Variants in UNC93A observed in about 807,000 individuals in gnomAD.
The protein encoded by UNC93A is unc-93 homolog A.
Under a neutral mutation model 47.5 loss-of-function variants are expected in UNC93A, and 43 were observed. The ratio of observed to expected loss-of-function variants is 0.91; its 90% CI spans 0.71 to 1.17. The LOEUF (loss-of-function observed/expected upper bound fraction) is 1.17. Ranked by LOEUF, UNC93A falls within the 50% of genes most tolerant of loss-of-function variation. The pLI is 0.00. For missense variants in UNC93A, 605 were observed against 577.6 expected (o/e 1.05, Z -0.49); for synonymous variants, 280 against 258.0 (o/e 1.09, Z -0.82).
chr6:167,277,514 C>G (rs1783563027), intron 1 of UNC93A, among the ~76,000 whole-genome samples: 1 of 152,206 alleles, frequency 6.6e-6, no homozygotes, highest in African/African-American at 2.4e-5. Flanking sequence ...AAGCTCTGGT[C>G]AGGGCAAATC....
intron 7 of UNC93A, among the ~76,000 whole-genome samples, chr6:167,311,984 G>A (rs1411953627): frequency 2.6e-4 from 2 of 7,672 alleles, no homozygotes; most frequent in African/African-American, 6.2e-4. Flanking sequence ...TTCCCACGAG[G>A]GTTCTTTTTT....
intron 7 of UNC93A, among the ~76,000 whole-genome samples, chr6:167,311,758 T>C (rs1339419079): frequency 2.0e-5 from 3 of 152,272 alleles, no homozygotes; most frequent in Middle Eastern, 3.2e-3. Flanking sequence ...TATTTTGAAA[T>C]AGTTTTAGAT....
At chr6:167,301,175 C>A (rs1778230768) in intron 4 of UNC93A, among the ~76,000 whole-genome samples, 1 of 152,252 alleles carries the variant, frequency 6.6e-6, no homozygotes, top group Admixed American at 6.5e-5. Flanking sequence ...CCTTCATTGC[C>A]AGCTGTCCTC....
intron 7 of UNC93A, 47 bp from the exon 8 acceptor site, chr6:167,315,140 A>T (rs1473908985): frequency 1.9e-6 from 3 of 1,598,176 alleles, no homozygotes; most frequent in African/African-American, 2.7e-5. Flanking sequence ...AAACAGGGTC[A>T]CTGTGGGGCC....
At chr6:167,284,052 A>G (rs1783679347) in intron 1 of UNC93A, among the ~76,000 whole-genome samples, 1 of 152,160 alleles carries the variant, frequency 6.6e-6, no homozygotes, top group African/African-American at 2.4e-5. Context: ...AAAATCCAAC[A>G]AATACTTGCT....
At chr6:167,295,849 A>C (rs1784907927) in intron 2 of UNC93A, among the ~76,000 whole-genome samples, 183 bp from the exon 3 acceptor site, 1 of 152,246 alleles carries the variant, frequency 6.6e-6, no homozygotes, top group African/African-American at 2.4e-5. Context: ...AAATGCACTG[A>C]TATTGCTCAT....
chr6:167,315,062 G>A, intron 7 of UNC93A, 125 bp from the exon 8 acceptor site: 2 of 1,395,146 alleles, frequency 1.4e-6, no homozygotes, highest in African/African-American at 1.4e-5. Context: ...TCATTCTGTT[G>A]TGAAAAAAGA....
At chr6:167,291,636 C>A in intron 1 of UNC93A, 60 bp downstream of exon 1, 2 of 1,485,956 alleles carry the variant, frequency 1.3e-6, no homozygotes, top group South Asian at 1.2e-5. Context: ...TCCCTGTGGT[C>A]ACAGACAATA....
At chr6:167,289,528 G>T (rs1583069265), upstream of UNC93A, among the ~76,000 whole-genome samples, 1 of 152,148 alleles carries the variant, frequency 6.6e-6, no homozygotes, top group South Asian at 2.1e-4. Flanking sequence ...GGACAGGGAG[G>T]GTGTGGCTGG....
upstream of UNC93A, among the ~76,000 whole-genome samples, chr6:167,270,736 G>A (rs965423168): frequency 2.6e-5 from 4 of 152,182 alleles, 1 homozygote; most frequent in African/African-American, 9.7e-5. Context: ...ACCACTTGAG[G>A]ACGAAGGCAG....
At chr6:167,274,653 G>C (rs1255182663) in intron 1 of UNC93A, among the ~76,000 whole-genome samples, 1 of 152,180 alleles carries the variant, frequency 6.6e-6, no homozygotes, top group Non-Finnish European at 1.5e-5. Flanking sequence ...TTCAAATCCA[G>C]ACTCCATCAC....
chr6:167,294,268 C>T (rs576765347), intron 1 of UNC93A, among the ~76,000 whole-genome samples: 21 of 152,280 alleles, frequency 1.4e-4, no homozygotes, highest in South Asian at 1.0e-3. Context: ...CATCCAGCCC[C>T]GGCGCAAGCA....
intron 6 of UNC93A, 140 bp from the exon 7 acceptor site, chr6:167,307,639 G>T (rs1778437488): frequency 1.9e-6 from 2 of 1,037,104 alleles, no homozygotes; most frequent in Admixed American, 4.8e-5. Flanking sequence ...GGTTGAGATG[G>T]TTGAGATGGT....
intron 3 of UNC93A, 34 bp from the exon 4 acceptor site, chr6:167,297,911 C>T (rs772178685): frequency 2.5e-6 from 4 of 1,607,204 alleles, no homozygotes; most frequent in Non-Finnish European, 3.4e-6. Flanking sequence ...CATTTGCCGT[C>T]ATCTCATGTC....
chr6:167,312,688 T>C (rs940238273), intron 7 of UNC93A, among the ~76,000 whole-genome samples: 2 of 152,256 alleles, frequency 1.3e-5, no homozygotes, highest in African/African-American at 4.8e-5. Flanking sequence ...TTCAATCTTT[T>C]ACATGTGTAC....
intron 6 of UNC93A, among the ~76,000 whole-genome samples, chr6:167,306,402 A>G (rs1388390655): frequency 6.6e-6 from 1 of 152,170 alleles, no homozygotes. Flanking sequence ...CATGGGGTTC[A>G]CGGAAAGACA....
chr6:167,272,458 G>A lies in UNC93A; in HGVS notation c.-52+1000G>A, dbSNP rs1019759533. ...CCAAACTCTGTAAAATATTTGAAGA[G>A]ATTTATTCTGAGCTGAGTATGAGTG... On this transcript the variant is annotated intron_variant, in intron 1 of 3. Transcript: ENST00000503433. 7.9e-5 allele frequency among the ~76,000 whole-genome samples: 12 copies of A among 152,344 alleles called. 1 individual carries two copies. Among genetic ancestry groups the A allele is most frequent in the Middle Eastern group, 3.4e-3 (1 of 294 alleles).
At chr6:167,293,702 T>C (rs779111783) in intron 1 of UNC93A, among the ~76,000 whole-genome samples, 16 of 152,084 alleles carry the variant, frequency 1.1e-4, no homozygotes, top group Non-Finnish European at 1.9e-4. Flanking sequence ...TCCAGAGAGT[T>C]CTCCTGAGTC....
At chr6:167,279,938 GA>G (rs1783604112) in intron 1 of UNC93A, among the ~76,000 whole-genome samples, 1 of 152,124 alleles carries the variant, frequency 6.6e-6, no homozygotes. Flanking sequence ...AAGACTACAT[GA>G]ATTACCTAGA....
Sources: gnomAD v4.1 joint callset for allele counts (sites outside exome capture counted in the v4.1 genomes callset) on GRCh38, gnomAD v4.1.1 for gene constraint, MANE v1.5 for transcripts, NCBI Gene and HGNC (gene_info 2026-07-23, HGNC 2026-07-21) for gene names.